TOLLIP: variants seen among roughly 807,000 people sequenced by gnomAD.
The protein encoded by TOLLIP is toll-interacting protein.
Under a neutral mutation model 33.5 loss-of-function variants are expected in TOLLIP, and 16 were observed. The ratio of observed to expected loss-of-function variants is 0.48; its 90% confidence interval spans 0.32 to 0.72. TOLLIP has a LOEUF of 0.72. Ranked by LOEUF, TOLLIP falls within the 30% of genes least tolerant of loss-of-function variation. The pLI is 0.03. For missense variants in TOLLIP, 325 were observed against 396.6 expected, an observed-to-expected ratio of 0.82 and a Z score of 1.53; for synonymous variants, 176 against 163.7, an observed-to-expected ratio of 1.07 and a Z score of -0.57.
At chr11:1,298,794 C>T (rs556458938) in intron 1 of TOLLIP, among the ~76,000 whole-genome samples, 3 of 152,368 alleles carry the variant, frequency 2.0e-5, no homozygotes, top group Non-Finnish European at 2.9e-5. Context: ...TCCAGCTCCC[C>T]GAGATGACAC....
intron 5 of TOLLIP, among the ~76,000 whole-genome samples, chr11:1,282,190 A>AGT (rs971683701): frequency 5.9e-5 from 9 of 152,240 alleles, no homozygotes; most frequent in Non-Finnish European, 1.0e-4. Context: ...GGCTTCCTGC[A>AGT]GTGCCAGGAA....
chr11:1,293,797 G>A (rs5743938), intron 2 of TOLLIP, among the ~76,000 whole-genome samples: 3,014 of 152,370 alleles, frequency 0.02, 86 homozygotes, highest in African/African-American at 0.068. Context: ...AGGAGGTGGC[G>A]GCTGAGGACG....
chr11:1,297,898 T>C (rs1279704441), intron 1 of TOLLIP, among the ~76,000 whole-genome samples: 1 of 152,218 alleles, frequency 6.6e-6, no homozygotes, highest in East Asian at 1.9e-4. Context: ...CACCTGTTCC[T>C]GTTGGCACAC....
Position 1,288,631 on chromosome 11 carries a change from G to A in TOLLIP, c.512C>T (p.Ser171Phe), listed in dbSNP as rs767399615. 1.9e-6 allele frequency: 3 copies of A among 1,612,240 alleles called. No homozygotes were observed. Among genetic ancestry groups the A allele is most frequent in the African/African-American group, 1.3e-5 (1 of 75,062 alleles). Residue 171 changes from serine (S) to phenylalanine (F), a missense_variant, in exon 4 of 6, where the codon TCC becomes TTC. Coordinates refer to ENST00000317204, the MANE Select transcript of TOLLIP (RefSeq NM_019009.4). Reference protein sequence around the residue: ...DKEGMINLVMSYALLPAAMVM... With the variant: ...DKEGMINLVMFYALLPAAMVM... ...CCCAGGCGTGCAGCTCACCGCGTAGGACATGACGAGGTTGATCATGCCCTC... is the reference window on the plus strand; with the variant it reads ...CCCAGGCGTGCAGCTCACCGCGTAGAACATGACGAGGTTGATCATGCCCTC...
At position 1,289,954 on chromosome 11, in the gene TOLLIP, C is replaced by T. The variant is rs538717489; in HGVS notation, c.366+273G>A. 1.7e-4 allele frequency: 75 copies of T among 428,726 alleles called. No homozygotes were observed. The East Asian group carries it at 2.1e-3, about 12-fold the overall frequency. The allele number at this position is 428,726 out of a possible 1,614,324, so 26.6% of individuals were successfully genotyped here. On this transcript the variant is annotated intron_variant, in intron 3 of 5. Coordinates refer to ENST00000317204, the MANE Select transcript of TOLLIP (RefSeq NM_019009.4). ...TGCTGGTGAGCGGCCAGACCCTGTG[C>T]GCCCAGCGGAGGGGACACGTGCACG...
At chr11:1,306,133 C>T (rs1864416915) in intron 1 of TOLLIP, 1 of 152,206 alleles carries the variant, frequency 6.6e-6, no homozygotes. Flanking sequence ...AAATACTGGC[C>T]TTTTTGAAAC....
At position 1,278,926 on chromosome 11, in the gene TOLLIP, C is replaced by T. The variant is rs137867760; in HGVS notation, c.611-1673G>A. On this transcript the variant is annotated intron_variant, in intron 5 of 5. Transcript: ENST00000317204. This position sits in a 1 kb window ranked among gnomAD's most constrained non-coding sequence, Gnocchi z 4.7. Reference sequence around the variant, plus strand: ...GGGCAGGAACTTGGCCATCACCTGTCCCTGCCCATACAGCTCCCCACAGCA... The same window carrying T: ...GGGCAGGAACTTGGCCATCACCTGTTCCTGCCCATACAGCTCCCCACAGCA... Among the ~76,000 whole-genome samples the T allele has an allele frequency of 4.2e-3, 639 of 152,302 alleles. 1 individual carries two copies. The highest frequency in any genetic ancestry group is 0.024 in the Middle Eastern group (7 of 294).
At chr11:1,300,783 G>C (rs1312296516) in intron 1 of TOLLIP, among the ~76,000 whole-genome samples, 2 of 152,326 alleles carry the variant, frequency 1.3e-5, no homozygotes, top group East Asian at 3.9e-4. Context: ...ATCACCCCAA[G>C]GAGCCGCACC....
At chr11:1,286,968 A>G (rs2133895048) in intron 4 of TOLLIP, among the ~76,000 whole-genome samples, 1 of 152,256 alleles carries the variant, frequency 6.6e-6, no homozygotes, top group African/African-American at 2.4e-5. Context: ...TCAACTGTGG[A>G]TAAGTCACTG....
intron 5 of TOLLIP, among the ~76,000 whole-genome samples, chr11:1,282,529 G>A (rs1863535437): frequency 6.6e-6 from 1 of 151,756 alleles, no homozygotes; most frequent in Non-Finnish European, 1.5e-5. Context: ...AATGTTAAAT[G>A]ATGAGTCAAT....
At chr11:1,284,104 C>G (rs1590209815) in intron 5 of TOLLIP, among the ~76,000 whole-genome samples, 1 of 152,192 alleles carries the variant, frequency 6.6e-6, no homozygotes, top group South Asian at 2.1e-4. Flanking sequence ...CAGGGCGCAT[C>G]AGGGCCCCCA....
rs555985041 is a variant in TOLLIP at position 1,291,585 on chromosome 11, C to CTGAA, written c.184-1177_184-1176insTTCA. 6.7e-4 allele frequency among the ~76,000 whole-genome samples: 102 copies of CTGAA among 151,112 alleles called. 1 individual carries two copies. The East Asian group carries it at 0.018, about 27-fold the overall frequency. ...TGACGCCCCTCTGAGGGCACGGCCACCCTGTCCTCACTGAACCCTCTCTGA... is the reference window on the plus strand; with the variant it reads ...TGACGCCCCTCTGAGGGCACGGCCACTGAACCTGTCCTCACTGAACCCTCTCTGA... On this transcript the variant is annotated intron_variant, in intron 2 of 5. Coordinates refer to ENST00000317204, the MANE Select transcript of TOLLIP (RefSeq NM_019009.4).
rs142927331 is a variant in TOLLIP, at chr11:1,293,457, GC to G, written c.183+2187del. Among the ~76,000 whole-genome samples, 334 of 152,316 alleles carry G rather than the reference GC, an allele frequency of 2.2e-3. 2 individuals are homozygous for G. Among genetic ancestry groups the G allele is most frequent in the Non-Finnish European group, 4.0e-3 (270 of 68,016 alleles). On this transcript the variant is annotated intron_variant, in intron 2 of 5. Coordinates refer to ENST00000317204, the MANE Select transcript of TOLLIP (RefSeq NM_019009.4). ...CCAGACCCCTTGGCATCCCACTGGG[GC>G]CCCAGGAGACAACAAGGGGAAGCAG...
At position 1,276,956 on chromosome 11, in the gene TOLLIP, A is replaced by G; in HGVS notation, c.*83T>C. Reference sequence around the variant, plus strand: ...GCGACACGGGTGCTCTTTCACGGGAATCTTGTTGGGACAGCATTCCTTGGG... The same window carrying G: ...GCGACACGGGTGCTCTTTCACGGGAGTCTTGTTGGGACAGCATTCCTTGGG... On this transcript the variant is annotated 3_prime_UTR_variant, in exon 6 of 6. Transcript: ENST00000317204. The G allele has an allele frequency of 6.3e-7, 1 of 1,585,520 alleles. No individual in the cohort carries two copies. The highest frequency in any genetic ancestry group is 8.6e-7 in the Non-Finnish European group (1 of 1,162,362).
chr11:1,302,790 T>TG (rs747147065), intron 1 of TOLLIP: 71 of 985,466 alleles, frequency 7.2e-5, no homozygotes, highest in Non-Finnish European at 8.4e-5. Context: ...CACGCCAGTG[T>TG]GGACGGGCAG....
At chr11:1,287,822 CGCCGCACCCTCCCCGCCGCAGCCTCCCT>C (rs1564970182) in intron 4 of TOLLIP, among the ~76,000 whole-genome samples, 2 of 36,856 alleles carry the variant, frequency 5.4e-5, no homozygotes, top group Non-Finnish European at 1.1e-4. Flanking sequence ...GCAGCCTCCC[CGCCGCACCCTCCCCGCCGCAGCCTCCCT>C]GCCGCACCCT....
intron 1 of TOLLIP, among the ~76,000 whole-genome samples, chr11:1,300,593 G>A (rs1590227698): frequency 6.6e-6 from 1 of 152,168 alleles, no homozygotes; most frequent in Non-Finnish European, 1.5e-5. Context: ...GGAGAGAGCC[G>A]CTGCTTCCTT....
At chr11:1,299,249 C>T (rs926073348) in intron 1 of TOLLIP, among the ~76,000 whole-genome samples, 1 of 152,210 alleles carries the variant, frequency 6.6e-6, no homozygotes. Context: ...GAGACGGAGA[C>T]CAGGCTTCAG....
chr11:1,292,865 G>A (rs1260262993), intron 2 of TOLLIP, among the ~76,000 whole-genome samples: 1 of 152,282 alleles, frequency 6.6e-6, no homozygotes, highest in African/African-American at 2.4e-5. Context: ...CGGGCTGCAG[G>A]ATCTGGAGGA....
Sources: allele counts gnomAD v4.1 joint callset (sites outside exome capture counted in the v4.1 genomes callset), GRCh38; gene constraint gnomAD v4.1.1; non-coding constraint Gnocchi (gnomAD v3.1); transcripts MANE v1.5; gene names NCBI Gene and HGNC (gene_info 2026-07-23, HGNC 2026-07-21).